The following APC variants were observed in gnomAD, a reference collection of about 807,000 sequenced individuals.
The protein encoded by APC is adenomatous polyposis coli protein.
A neutral mutation model predicts 247.0 loss-of-function variants in APC; 72 were observed. That is an observed-to-expected ratio of 0.29 (90% CI 0.24 to 0.35). APC has a LOEUF of 0.35. APC is among the 10% of genes least tolerant of loss of function. APC has a pLI of 1.00. For missense variants in APC, 3,400 were observed against 3,360.7 expected, an observed-to-expected ratio of 1.01 and a Z score of -0.29; for synonymous variants, 1,254 against 1,162.5, an observed-to-expected ratio of 1.08 and a Z score of -1.60.
chr5:112,812,306 TAA>T (rs1321602194), intron 8 of APC, among the ~76,000 whole-genome samples: 5 of 152,142 alleles, frequency 3.3e-5, no homozygotes, highest in Non-Finnish European at 7.4e-5. Flanking sequence ...TGCTTCAGGG[TAA>T]AGACTCATTT....
chr5:112,795,964 G>A (rs988524053), intron 7 of APC, among the ~76,000 whole-genome samples: 3 of 152,164 alleles, frequency 2.0e-5, no homozygotes, highest in African/African-American at 7.2e-5. Context: ...GAGGATTCCA[G>A]GAGAGATTAA....
intron 6 of APC, among the ~76,000 whole-genome samples, chr5:112,788,417 C>G (rs974864592): frequency 2.6e-5 from 4 of 151,954 alleles, no homozygotes; most frequent in Admixed American, 1.3e-4. Flanking sequence ...GGAACCAGAC[C>G]TTCTATATTC....
chr5:112,742,545 C>T (rs955921763), intron 1 of APC, among the ~76,000 whole-genome samples: 1 of 152,194 alleles, frequency 6.6e-6, no homozygotes, highest in African/African-American at 2.4e-5. Context: ...ACTGACGGAT[C>T]TTCTTCCAAG....
At chr5:112,782,094 G>T (rs552714262) in intron 6 of APC, among the ~76,000 whole-genome samples, 1 of 152,322 alleles carries the variant, frequency 6.6e-6, no homozygotes, top group Non-Finnish European at 1.5e-5. Flanking sequence ...AAAGAAAGAG[G>T]TTTAAGGGAC....
At chr5:112,811,274 G>A (rs1007801378) in intron 8 of APC, among the ~76,000 whole-genome samples, 5 of 152,216 alleles carry the variant, frequency 3.3e-5, no homozygotes, top group African/African-American at 1.2e-4. Flanking sequence ...TTCAAGGGAT[G>A]TGCAATCATG....
intron 10 of APC, 126 bp from the exon 11 acceptor site, chr5:112,821,770 G>T: frequency 1.4e-6 from 1 of 706,574 alleles, no homozygotes; most frequent in Admixed American, 2.3e-5. Flanking sequence ...GCAAATATTT[G>T]TTGATCCACT....
At chr5:112,777,092 A>G (rs913420066) in intron 5 of APC, among the ~76,000 whole-genome samples, 12 of 152,316 alleles carry the variant, frequency 7.9e-5, no homozygotes, top group African/African-American at 2.9e-4. Flanking sequence ...AAAATCATTC[A>G]TTTAACTTGA....
At chr5:112,792,617 T>A in intron 7 of APC, 88 bp downstream of exon 7, 4 of 925,900 alleles carry the variant, frequency 4.3e-6, no homozygotes, top group Non-Finnish European at 6.9e-6. Context: ...TGTGACACCA[T>A]TGAAATATAG....
intron 1 of APC, among the ~76,000 whole-genome samples, chr5:112,748,488 C>G (rs1187113323): frequency 6.6e-6 from 1 of 152,108 alleles, no homozygotes; most frequent in African/African-American, 2.4e-5. Context: ...ATTAGGACTT[C>G]CAGGATTATG....
chr5:112,837,490 T>G, intron 15 of APC, 63 bp from the exon 16 acceptor site: 2 of 1,243,566 alleles, frequency 1.6e-6, no homozygotes, highest in Non-Finnish European at 2.3e-6. Flanking sequence ...TTCTATCCTT[T>G]TATTTGTTGT....
intron 15 of APC, among the ~76,000 whole-genome samples, chr5:112,836,009 C>CTTTTT (rs371484714): frequency 2.8e-5 from 3 of 106,336 alleles, no homozygotes; most frequent in African/African-American, 8.5e-5. Context: ...ATACAACTGT[C>CTTTTT]TTTTTTTTTT....
intron 1 of APC, among the ~76,000 whole-genome samples, chr5:112,740,726 A>G (rs1268934699): frequency 2.0e-5 from 3 of 151,764 alleles, no homozygotes; most frequent in African/African-American, 4.8e-5. Context: ...GGGTTTCACC[A>G]TGTTGCCCAG....
At chr5:112,726,521 G>A (rs1751793209) in intron 1 of APC, among the ~76,000 whole-genome samples, 2 of 152,184 alleles carry the variant, frequency 1.3e-5, no homozygotes, top group African/African-American at 4.8e-5. Context: ...TTGTGGAGCA[G>A]GGGGTTTGGG....
At chr5:112,713,527 G>A (rs1750982692) in intron 1 of APC, among the ~76,000 whole-genome samples, 1 of 152,192 alleles carries the variant, frequency 6.6e-6, no homozygotes, top group Non-Finnish European at 1.5e-5. Context: ...AAGAGGGTAA[G>A]CAAATGGCTG....
chr5:112,738,479 G>A, intron 1 of APC: 1 of 985,820 alleles, frequency 1.0e-6, no homozygotes, highest in Non-Finnish European at 1.2e-6. Context: ...GAGCGTGAGT[G>A]GTGGTGTTGG....
chr5:112,796,311 G>A (rs1248020162), intron 7 of APC, among the ~76,000 whole-genome samples: 2 of 152,152 alleles, frequency 1.3e-5, no homozygotes, highest in Non-Finnish European at 1.5e-5. Flanking sequence ...ATCGGAGGGG[G>A]TGAGTATCCC....
chr5:112,807,629 A>G (rs1761550622), intron 8 of APC, among the ~76,000 whole-genome samples: 1 of 151,958 alleles, frequency 6.6e-6, no homozygotes, highest in African/African-American at 2.4e-5. Flanking sequence ...GCTCAATTAA[A>G]AGTGGGAAAA....
At position 112,840,089 on chromosome 5, in the gene APC, G is replaced by A. The variant is rs756912930; in HGVS notation, c.4495G>A (p.Gly1499Arg). Residue 1499 changes from glycine to arginine, a missense_variant, in exon 16 of 16, where the codon GGA becomes AGA. Physicochemically the swap from Gly to Arg is moderately radical, Grantham distance 125. Coordinates refer to ENST00000257430, the MANE Select transcript of APC (RefSeq NM_000038.6). This position sits in a 1 kb window ranked among gnomAD's most constrained non-coding sequence, Gnocchi z 4.1. ...LHFATESTPD[G>R]FSCSSSLSAL... Reference sequence around the variant, plus strand: ...TTTTGCCACGGAAAGTACTCCAGATGGATTTTCTTGTTCATCCAGCCTGAG... The same window carrying A: ...TTTTGCCACGGAAAGTACTCCAGATAGATTTTCTTGTTCATCCAGCCTGAG... 6.2e-7 allele frequency: 1 copy of A among 1,614,000 alleles called. No individual in the cohort carries two copies. Among genetic ancestry groups the A allele is most frequent in the African/African-American group, 1.3e-5 (1 of 74,894 alleles).
chr5:112,841,478 T>G lies in APC; in HGVS notation c.5884T>G (p.Cys1962Gly), dbSNP rs1561603419. 6.2e-7 allele frequency: 1 copy of G among 1,613,666 alleles called. No homozygotes were observed. ...QNFAIENTPV[C>G]FSHNSSLSSL... ...TTTTGCTATTGAAAATACTCCGGTTTGCTTTTCTCATAATTCCTCTCTGAG... is the reference window on the plus strand; with the variant it reads ...TTTTGCTATTGAAAATACTCCGGTTGGCTTTTCTCATAATTCCTCTCTGAG... Residue 1962 changes from cysteine (C) to glycine (G), a missense_variant, in exon 16 of 16, where the codon TGC (cysteine) becomes GGC (glycine). Physicochemically the swap from Cys to Gly is radical, Grantham distance 159. Transcript: ENST00000257430. The surrounding 1 kb of genome is among the most constrained non-coding windows in gnomAD (Gnocchi z 4.6).
Sources: allele counts gnomAD v4.1 joint callset (sites outside exome capture counted in the v4.1 genomes callset), GRCh38; gene constraint gnomAD v4.1.1; non-coding constraint Gnocchi (gnomAD v3.1); transcripts MANE v1.5; gene names NCBI Gene and HGNC (gene_info 2026-07-23, HGNC 2026-07-21).